THSD1: variants seen among roughly 807,000 people sequenced by gnomAD.
The protein encoded by THSD1 is thrombospondin type 1 domain containing 1.
In THSD1, 34 loss-of-function variants were observed where a neutral mutation model predicts 46.3. The ratio of observed to expected loss-of-function variants is 0.74; its 90% confidence interval spans 0.56 to 0.98. The LOEUF (loss-of-function observed/expected upper bound fraction) is 0.98, where lower values mean the gene tolerates loss of function less well. Ranked by LOEUF, THSD1 falls within the 50% of genes least tolerant of loss-of-function variation. The pLI is 0.00. For synonymous variants in THSD1, 407 were observed against 416.5 expected, an observed-to-expected ratio of 0.98 and a Z score of 0.28; for missense variants, 1,023 against 1,058.3, an observed-to-expected ratio of 0.97 and a Z score of 0.46.
chr13:52,398,374 G>A (rs1289596535), intron 2 of THSD1, 180 bp from the exon 3 acceptor site: 4 of 681,492 alleles, frequency 5.9e-6, no homozygotes, highest in South Asian at 6.6e-5. Context: ...GGGCTCAAGC[G>A]ATCTCCCACC....
At chr13:52,393,759 A>T (rs1468891036) in intron 3 of THSD1, among the ~76,000 whole-genome samples, 1 of 152,230 alleles carries the variant, frequency 6.6e-6, no homozygotes, top group African/African-American at 2.4e-5. Flanking sequence ...AGTTATGGTG[A>T]GTCCCTAAAT....
rs777279090 is a variant in THSD1 at position 52,377,733 on chromosome 13, C to T, written c.2237G>A (p.Gly746Glu). 3 of 1,613,490 alleles carry T rather than the reference C, an allele frequency of 1.9e-6. No homozygotes were observed. Among genetic ancestry groups the T allele is most frequent in the Non-Finnish European group, 1.7e-6 (2 of 1,179,598 alleles). Residue 746 changes from glycine to glutamate, a missense_variant, in exon 5 of 5, where the codon GGA (glycine) becomes GAA (glutamate). By Grantham distance (98) the Gly-to-Glu change is moderately conservative. Around this residue, in one of 3 missense-constraint regions of THSD1, gnomAD observed 578 missense variants for 497.4 expected, o/e 1.16. Coordinates refer to ENST00000258613, the MANE Select transcript of THSD1 (RefSeq NM_018676.4). ...TGTTCTCTCAATTCCGGCCACTAAT[C>T]CTGCCTGGTGATCCCCAAGGTCTGG... ...RKPDLGDHQAGLVAGIERTEP... is the reference protein window; with the variant it reads ...RKPDLGDHQAELVAGIERTEP...
intron 1 of THSD1, among the ~76,000 whole-genome samples, chr13:52,405,715 A>C (rs988784459): frequency 6.6e-6 from 1 of 152,192 alleles, no homozygotes; most frequent in Admixed American, 6.5e-5. Flanking sequence ...ATCAGAAAGG[A>C]TTTCTTTTTG....
At chr13:52,395,625 C>G (rs1300109864) in intron 3 of THSD1, among the ~76,000 whole-genome samples, 1 of 152,140 alleles carries the variant, frequency 6.6e-6, no homozygotes, top group Admixed American at 6.5e-5. Flanking sequence ...AGAAGACAAC[C>G]AGCACTTAAC....
chr13:52,403,147 A>G (rs887023114), intron 1 of THSD1, among the ~76,000 whole-genome samples: 1 of 152,178 alleles, frequency 6.6e-6, no homozygotes, highest in Non-Finnish European at 1.5e-5. Context: ...ATGGGCTAAC[A>G]TTTCCTTGCA....
At position 52,378,807 on chromosome 13, in the gene THSD1, AC is replaced by A; in HGVS notation, c.1181-19del. 2 of 1,545,686 alleles carry A rather than the reference AC, an allele frequency of 1.3e-6. No individual in the cohort carries two copies. Among genetic ancestry groups the A allele is most frequent in the Admixed American group, 4.2e-5 (2 of 47,626 alleles). Reference sequence around the variant, plus strand: ...CTGGAAAGCTGCAAAAAAAAACAAAACAAAACAAACAAACAAAAAACACAGA... The same window carrying A: ...CTGGAAAGCTGCAAAAAAAAACAAAAAAAACAAACAAACAAAAAACACAGA... On this transcript the variant is annotated intron_variant, in intron 4 of 4. Coordinates refer to ENST00000258613, the MANE Select transcript of THSD1 (RefSeq NM_018676.4).
chr13:52,393,839 T>C (rs1957790732), intron 3 of THSD1, among the ~76,000 whole-genome samples: 1 of 152,166 alleles, frequency 6.6e-6, no homozygotes, highest in Non-Finnish European at 1.5e-5. Context: ...CCCAGTTCAG[T>C]CATAAATTTT....
chr13:52,389,673 TA>T (rs1957758909), intron 3 of THSD1, among the ~76,000 whole-genome samples: 1 of 152,050 alleles, frequency 6.6e-6, no homozygotes, highest in Non-Finnish European at 1.5e-5. Context: ...TATATAGTGA[TA>T]AAAGGGTCAA....
chr13:52,377,251 A>G lies in THSD1; in HGVS notation c.*160T>C, dbSNP rs1182118158. 2.3e-6 allele frequency: 3 copies of G among 1,315,870 alleles called. No individual in the cohort carries two copies. Among genetic ancestry groups the G allele is most frequent in the East Asian group, 5.4e-5 (2 of 36,872 alleles). 81.5% of individuals were successfully genotyped at this position (1,315,870 alleles called of 1,614,324 possible). ...ACAAAGGAAAAAGCTCAAGATAAAT[A>G]ATTTCTTCCTTGTGAATTCAAACAC... On this transcript the variant is annotated 3_prime_UTR_variant, in exon 5 of 5. Transcript: ENST00000258613.
intron 3 of THSD1, among the ~76,000 whole-genome samples, chr13:52,396,558 C>A (rs753428173): frequency 6.6e-6 from 1 of 152,012 alleles, no homozygotes; most frequent in Non-Finnish European, 1.5e-5. Flanking sequence ...AGATAAAAAA[C>A]GAACGAGACC....
Position 52,402,684 on chromosome 13 carries a change from G to A in THSD1, c.-81-3C>T. On this transcript the variant is annotated splice_region_variant and splice_polypyrimidine_tract_variant and intron_variant, in intron 1 of 4. Coordinates refer to ENST00000258613, the MANE Select transcript of THSD1 (RefSeq NM_018676.4). ...GTGATTTTTTTCCCCAAAAACACCT[G>A]AAATTAGAACCTCAAAAAATGATGG... The A allele has an allele frequency of 6.3e-7, 1 of 1,576,920 alleles. No homozygotes were observed. Among genetic ancestry groups the A allele is most frequent in the Non-Finnish European group, 8.6e-7 (1 of 1,159,614 alleles).
intron 3 of THSD1, among the ~76,000 whole-genome samples, chr13:52,395,938 G>A (rs967732087): frequency 1.4e-4 from 21 of 152,180 alleles, no homozygotes; most frequent in African/African-American, 5.1e-4. Context: ...GGTGCAGTGG[G>A]TGGCTGGCAG....
intron 3 of THSD1, among the ~76,000 whole-genome samples, chr13:52,395,445 T>C (rs1015441336): frequency 1.9e-4 from 29 of 151,936 alleles, no homozygotes; most frequent in African/African-American, 6.5e-4. Flanking sequence ...TGAGAAGCAG[T>C]GTTAGGGGGT....
Position 52,377,205 on chromosome 13 carries a change from T to C in THSD1, c.*206A>G, listed in dbSNP as rs1957639222. 3.8e-6 allele frequency: 5 copies of C among 1,306,420 alleles called. No individual in the cohort carries two copies. The highest frequency in any genetic ancestry group is 4.9e-6 in the Non-Finnish European group (5 of 1,025,356). 80.9% of individuals were successfully genotyped at this position (1,306,420 alleles called of 1,614,324 possible). The stretch of plus-strand genomic sequence containing the variant: ...ATTTTATTATCATTGTTATTACTAA[T>C]AAATCAATAGAAATTGAATAACAAA... On this transcript the variant is annotated 3_prime_UTR_variant, in exon 5 of 5. Coordinates refer to ENST00000258613, the MANE Select transcript of THSD1 (RefSeq NM_018676.4).
chr13:52,386,891 T>C (rs1957735153), intron 3 of THSD1, among the ~76,000 whole-genome samples: 1 of 152,142 alleles, frequency 6.6e-6, no homozygotes, highest in African/African-American at 2.4e-5. Flanking sequence ...AAGAAACTCC[T>C]TCACCCTTGG....
intron 3 of THSD1, among the ~76,000 whole-genome samples, chr13:52,396,073 G>A (rs1957808119): frequency 1.3e-5 from 2 of 152,190 alleles, no homozygotes; most frequent in Non-Finnish European, 2.9e-5. Flanking sequence ...AAGCTGGATA[G>A]AAAAGGAAGT....
chr13:52,399,494 T>C (rs1957836765), intron 2 of THSD1, among the ~76,000 whole-genome samples: 1 of 152,186 alleles, frequency 6.6e-6, no homozygotes, highest in South Asian at 2.1e-4. Context: ...GTTTTTTTGT[T>C]TGGGGTTGCA....
intron 4 of THSD1, chr13:52,384,410 C>T (rs1326185694): frequency 8.8e-6 from 4 of 455,808 alleles, no homozygotes; most frequent in Non-Finnish European, 1.8e-5. Flanking sequence ...CCTCCCTATC[C>T]CACAGGGTCC....
At chr13:52,380,065 C>G (rs1039580525) in intron 4 of THSD1, among the ~76,000 whole-genome samples, 1 of 152,084 alleles carries the variant, frequency 6.6e-6, no homozygotes, top group African/African-American at 2.4e-5. Context: ...CCATCCACTC[C>G]CCTTCCTACC....
Sources: gnomAD v4.1 joint callset for allele counts (sites outside exome capture counted in the v4.1 genomes callset) on GRCh38, gnomAD v4.1.1 for gene constraint, gnomAD v4.1.1 regional missense constraint, MANE v1.5 for transcripts, NCBI Gene and HGNC (gene_info 2026-07-23, HGNC 2026-07-21) for gene names.